Variants in CECR2 observed in about 807,000 individuals in gnomAD.
CECR2 encodes the protein CECR2 histone acetyl-lysine reader, also known as chromatin remodeling regulator CECR2.
CECR2 carries 30 observed loss-of-function variants against 154.5 expected under a neutral mutation model. That is an observed-to-expected ratio of 0.19 (90% CI 0.15 to 0.26). The LOEUF (loss-of-function observed/expected upper bound fraction) is 0.26, where lower values mean the gene tolerates loss of function less well. Among genes scored for constraint, CECR2 ranks in the 10% least tolerant of loss-of-function variants. The pLI is 1.00. For missense variants in CECR2, 1,743 were observed against 1,829.3 expected, an observed-to-expected ratio of 0.95 and a Z score of 0.86; for synonymous variants, 725 against 683.7, an observed-to-expected ratio of 1.06 and a Z score of -0.94.
At position 17,548,579 on chromosome 22, in the gene CECR2, G is replaced by A. The variant is rs769011525; in HGVS notation, c.3292G>A (p.Ala1098Thr). Residue 1098 changes from alanine to threonine, a missense_variant, in exon 17 of 19, where the codon GCA becomes ACA. Physicochemically the swap from Ala to Thr is moderately conservative, Grantham distance 58. This residue lies in a region of CECR2 where 1,250 missense variants were observed against 1,192.1 expected (regional missense o/e 1.05). Transcript: ENST00000262608. ...AACCATGCCATGCACGGGACAGAAC[G>A]CAGCGACACCGCCCAGCACAGACCC... ...QETMPCTGQN[A>T]ATPPSTDPGL... 9 of 1,613,486 alleles carry A rather than the reference G, an allele frequency of 5.6e-6. No individual in the cohort carries two copies. Among genetic ancestry groups the A allele is most frequent in the South Asian group, 3.3e-5 (3 of 91,018 alleles).
chr22:17,416,341 C>G (rs1321960876), intron 1 of CECR2, among the ~76,000 whole-genome samples: 1 of 151,836 alleles, frequency 6.6e-6, no homozygotes, highest in African/African-American at 2.4e-5. Context: ...TAGTTTTTTT[C>G]TATACCTTTA....
chr22:17,552,960 C>T lies in CECR2; in HGVS notation c.*120C>T. 1.3e-6 allele frequency: 2 copies of T among 1,501,220 alleles called. No homozygotes were observed. The highest frequency in any genetic ancestry group is 8.9e-7 in the Non-Finnish European group (1 of 1,127,702). 93.0% of individuals were successfully genotyped at this position (1,501,220 alleles called of 1,614,324 possible). A position where few individuals can be genotyped will look rare whatever the true frequency, so the allele number is the denominator to read the frequency against. ...ACCTGCTCCACCCCTTCACGGCGAC[C>T]CACTCGTGCCATACTTGAGCTGGAG... On this transcript the variant is annotated 3_prime_UTR_variant, in exon 19 of 19. Coordinates refer to ENST00000262608, the MANE Select transcript of CECR2 (RefSeq NM_001290047.2).
In CECR2 at chr22:17,419,844, G is replaced by A. The variant is rs73876425; in HGVS notation, c.126+49935G>A. 4.8e-3 allele frequency: 1,320 copies of A among 277,236 alleles called. 15 individuals carry two copies. Among genetic ancestry groups the A allele is most frequent in the African/African-American group, 0.027 (1,219 of 44,434 alleles). 17.2% of individuals were successfully genotyped at this position (277,236 alleles called of 1,614,324 possible). ...TCAGAGGATTAGAGGATTGAGTTTC[G>A]AAAGAAATAATTGGCAAGATAATGA... On this transcript the variant is annotated intron_variant, in intron 1 of 18. Coordinates refer to ENST00000262608, the MANE Select transcript of CECR2 (RefSeq NM_001290047.2).
intron 1 of CECR2, among the ~76,000 whole-genome samples, chr22:17,404,361 G>GTTTTTTTTT (rs2053945581): frequency 1.5e-4 from 11 of 74,802 alleles, no homozygotes; most frequent in Non-Finnish European, 2.3e-4. Context: ...TCTGGACCCT[G>GTTTTTTTTT]TTCTTTCTTT....
chr22:17,497,327 TTCTC>T (rs1033506860), intron 2 of CECR2, 72 bp from the exon 3 acceptor site: 8 of 1,364,450 alleles, frequency 5.9e-6, no homozygotes, highest in Admixed American at 2.4e-5. Flanking sequence ...AGATCATGAG[TTCTC>T]TCTCTCTCTC....
chr22:17,511,845 G>T lies in CECR2; in HGVS notation c.903G>T (p.Leu301Phe). Residue 301 changes from leucine to phenylalanine, a missense_variant, in exon 8 of 19, where the codon TTG becomes TTT. Leu to Phe is a conservative substitution (Grantham distance 22, BLOSUM62 0). Transcript: ENST00000262608. Reference sequence around the variant, plus strand: ...GTCCACAGCGCACAAAGGCAGAGTTGCATCCTAGGTGGATGTCTGACCACC... The same window carrying T: ...GTCCACAGCGCACAAAGGCAGAGTTTCATCCTAGGTGGATGTCTGACCACC... ...GKRPQRTKAE[L>F]HPRWMSDHLS... is the part of the protein sequence containing the mutation. 6.2e-7 allele frequency: 1 copy of T among 1,612,068 alleles called. No individual in the cohort carries two copies. Among genetic ancestry groups the T allele is most frequent in the Non-Finnish European group, 8.5e-7 (1 of 1,178,744 alleles).
intron 1 of CECR2, among the ~76,000 whole-genome samples, chr22:17,455,607 A>G (rs2054840861): frequency 1.3e-5 from 2 of 152,104 alleles, no homozygotes; most frequent in Admixed American, 1.3e-4. Flanking sequence ...AAAACAGCAC[A>G]CTGTTTTTTG....
intron 2 of CECR2, among the ~76,000 whole-genome samples, chr22:17,495,103 C>T (rs1321523606): frequency 6.6e-6 from 1 of 152,140 alleles, no homozygotes; most frequent in Admixed American, 6.5e-5. Context: ...ATAGTAGTTG[C>T]CTAATTTTAA....
intron 8 of CECR2, among the ~76,000 whole-genome samples, chr22:17,520,206 G>T (rs558158658): frequency 9.2e-5 from 14 of 152,328 alleles, no homozygotes; most frequent in African/African-American, 2.9e-4. Flanking sequence ...GATGAAAGAA[G>T]AATATTTCAC....
intron 1 of CECR2, among the ~76,000 whole-genome samples, chr22:17,459,211 A>AG (rs201416417): frequency 0.012 from 1,771 of 152,298 alleles, 27 homozygotes; most frequent in African/African-American, 0.039. Flanking sequence ...TCAGGGCCTA[A>AG]GGACCCCCAG....
chr22:17,363,048 C>CTTTTTTTT (rs60742428), intron 1 of CECR2, among the ~76,000 whole-genome samples: 1 of 144,740 alleles, frequency 6.9e-6, no homozygotes, highest in Non-Finnish European at 1.5e-5. Context: ...TTTCCTTCTT[C>CTTTTTTTT]TTTTTTTTTT....
At chr22:17,443,920 C>CG (rs1238264758) in intron 1 of CECR2, among the ~76,000 whole-genome samples, 1 of 151,998 alleles carries the variant, frequency 6.6e-6, no homozygotes, top group Non-Finnish European at 1.5e-5. Context: ...GTAATTTAGC[C>CG]GTACCGTAAA....
rs1379786464 is a variant in CECR2, at chr22:17,511,899, G to A, written c.954+3G>A. 2 of 1,607,270 alleles carry A rather than the reference G, an allele frequency of 1.2e-6. No homozygotes were observed. Among genetic ancestry groups the A allele is most frequent in the Non-Finnish European group, 1.7e-6 (2 of 1,175,774 alleles). ...CCATCAAACCCGTCAAGCAAGAGGT[G>A]AGTGTGGGTGAGAGTAGCGAGGAGG... is the stretch of plus-strand genomic sequence containing the variant. On this transcript the variant is annotated splice_donor_region_variant and intron_variant, in intron 8 of 18. Transcript: ENST00000262608.
intron 1 of CECR2, among the ~76,000 whole-genome samples, chr22:17,412,002 T>A (rs2054074920): frequency 6.6e-6 from 1 of 152,212 alleles, no homozygotes. Flanking sequence ...CTAACAGTGC[T>A]AAGATGACAT....
intron 2 of CECR2, among the ~76,000 whole-genome samples, chr22:17,481,830 T>G (rs892340118): frequency 2.6e-5 from 4 of 152,062 alleles, no homozygotes; most frequent in Non-Finnish European, 4.4e-5. Flanking sequence ...GACCTAGCAC[T>G]TACAGGCCAG....
chr22:17,399,706 C>G (rs1376824907), intron 1 of CECR2, among the ~76,000 whole-genome samples: 1 of 152,128 alleles, frequency 6.6e-6, no homozygotes, highest in Non-Finnish European at 1.5e-5. Context: ...CCGCACCCAA[C>G]CTGTAATGGT....
chr22:17,485,152 C>A (rs990382958), intron 2 of CECR2, among the ~76,000 whole-genome samples: 4 of 152,130 alleles, frequency 2.6e-5, no homozygotes, highest in Non-Finnish European at 5.9e-5. Context: ...TCATTTAATC[C>A]TTCCGACAGC....
intron 1 of CECR2, among the ~76,000 whole-genome samples, chr22:17,406,361 A>G (rs1008420088): frequency 6.6e-6 from 1 of 152,042 alleles, no homozygotes; most frequent in African/African-American, 2.4e-5. Context: ...TCTCTACTAA[A>G]AAAATGCAAA....
At chr22:17,430,259 C>G (rs757234215) in intron 1 of CECR2, among the ~76,000 whole-genome samples, 1 of 152,166 alleles carries the variant, frequency 6.6e-6, no homozygotes, top group African/African-American at 2.4e-5. Context: ...ATGCACATAA[C>G]CTATACCCGC....
Sources: gnomAD v4.1 joint callset for allele counts (sites outside exome capture counted in the v4.1 genomes callset) on GRCh38, gnomAD v4.1.1 for gene constraint, gnomAD v4.1.1 regional missense constraint, MANE v1.5 for transcripts, NCBI Gene and HGNC (gene_info 2026-07-23, HGNC 2026-07-21) for gene names.